Variants in RUNX2 observed in about 807,000 individuals in gnomAD.
RUNX2 encodes the protein RUNX family transcription factor 2.
Under a neutral mutation model 51.7 loss-of-function variants are expected in RUNX2, and 10 were observed. That is an observed-to-expected ratio of 0.19 (90% CI 0.12 to 0.33). RUNX2 has a LOEUF of 0.33. RUNX2 is among the 10% of genes least tolerant of loss of function. The pLI is 1.00. For synonymous variants in RUNX2, 276 were observed against 273.6 expected (o/e 1.01, Z -0.09); for missense variants, 562 against 691.3 (o/e 0.81, Z 2.10).
chr6:45,463,606 G>A (rs553654431), intron 5 of RUNX2, among the ~76,000 whole-genome samples: 5 of 152,124 alleles, frequency 3.3e-5, no homozygotes, highest in African/African-American at 9.6e-5. Flanking sequence ...TCTATACAGC[G>A]ATACTCAAAT....
chr6:45,439,258 A>G (rs531776535), intron 5 of RUNX2, among the ~76,000 whole-genome samples: 5 of 152,216 alleles, frequency 3.3e-5, no homozygotes, highest in South Asian at 2.1e-4. Flanking sequence ...GCATTCTTCC[A>G]GGTTCATAAT....
chr6:45,358,505 T>C (rs879750864), intron 2 of RUNX2, among the ~76,000 whole-genome samples: 12 of 152,206 alleles, frequency 7.9e-5, no homozygotes, highest in Non-Finnish European at 1.3e-4. Flanking sequence ...CCCCCTATAC[T>C]TGAATTACTT....
intron 5 of RUNX2, among the ~76,000 whole-genome samples, chr6:45,491,735 A>G (rs933913658): frequency 6.8e-6 from 1 of 147,122 alleles, no homozygotes; most frequent in African/African-American, 2.5e-5. Context: ...CTCTCCATTT[A>G]TAAAACAGAG....
chr6:45,348,600 G>A (rs554433355), intron 2 of RUNX2, among the ~76,000 whole-genome samples: 26 of 151,208 alleles, frequency 1.7e-4, no homozygotes, highest in Admixed American at 5.3e-4. Flanking sequence ...ACTTGAATCC[G>A]GGAGGTGGAG....
chr6:45,519,968 T>A (rs1273168198), intron 7 of RUNX2, among the ~76,000 whole-genome samples: 1 of 151,818 alleles, frequency 6.6e-6, no homozygotes, highest in East Asian at 1.9e-4. Context: ...CAGACTGGGA[T>A]TACAGGCACC....
chr6:45,469,035 T>G (rs1447352630), intron 5 of RUNX2, among the ~76,000 whole-genome samples: 1 of 152,258 alleles, frequency 6.6e-6, no homozygotes, highest in African/African-American at 2.4e-5. Flanking sequence ...CCTTTTGAAA[T>G]TTTATCTCTT....
At position 45,448,780 on chromosome 6, in the gene RUNX2, A is replaced by G. The variant is rs183552763; in HGVS notation, c.685+10729A>G. On this transcript the variant is annotated intron_variant, in intron 5 of 8. Transcript: ENST00000647337. ...AGCATGTATTTTGGTTGCGGGGGATACTCAGGATGATTAATCTGGGCCTTA... is the reference window on the plus strand; with the variant it reads ...AGCATGTATTTTGGTTGCGGGGGATGCTCAGGATGATTAATCTGGGCCTTA... 7.6e-4 allele frequency among the ~76,000 whole-genome samples: 116 copies of G among 152,272 alleles called. 1 individual carries two copies. Among genetic ancestry groups the G allele is most frequent in the African/African-American group, 2.7e-3 (113 of 41,552 alleles).
At chr6:45,470,309 C>T (rs764298050) in intron 5 of RUNX2, among the ~76,000 whole-genome samples, 10 of 152,146 alleles carry the variant, frequency 6.6e-5, no homozygotes, top group Non-Finnish European at 1.2e-4. Context: ...ACTTTCTTTC[C>T]ATCTCTTGCC....
chr6:45,535,620 A>C lies in RUNX2; in HGVS notation c.1022-9597A>C, dbSNP rs372522224. On this transcript the variant is annotated intron_variant, in intron 7 of 8. Transcript: ENST00000647337. ...CTCTGTCTCAAAAAAAAAAAAAGAA[A>C]GAAAAAGAAAGATACAAATGAAGAA... Among the ~76,000 whole-genome samples the C allele has an allele frequency of 7.9e-5, 12 of 151,704 alleles. No individual in the cohort carries two copies. In the East Asian group the frequency reaches 1.9e-3, roughly 24 times the overall value.
chr6:45,380,233 T>A (rs1284261793), intron 2 of RUNX2, among the ~76,000 whole-genome samples: 1 of 152,242 alleles, frequency 6.6e-6, no homozygotes, highest in African/African-American at 2.4e-5. Flanking sequence ...TTGCTGAAGT[T>A]AAGGCTTTGA....
At chr6:45,434,656 T>TA (rs1798632528) in intron 4 of RUNX2, among the ~76,000 whole-genome samples, 1 of 152,198 alleles carries the variant, frequency 6.6e-6, no homozygotes. Flanking sequence ...TCCTTTTTTT[T>TA]ATCCTTAATC....
chr6:45,482,693 T>C (rs1800149681), intron 5 of RUNX2, among the ~76,000 whole-genome samples: 1 of 152,174 alleles, frequency 6.6e-6, no homozygotes, highest in Non-Finnish European at 1.5e-5. Flanking sequence ...GCTTTTAACA[T>C]TTTTTCTATG....
chr6:45,371,820 G>A (rs889374688), intron 2 of RUNX2: 54 of 983,972 alleles, frequency 5.5e-5, no homozygotes, highest in Non-Finnish European at 6.4e-5. Flanking sequence ...GGGAACCAAA[G>A]ACATCTGAGC....
chr6:45,490,650 G>A (rs757575950), intron 5 of RUNX2, among the ~76,000 whole-genome samples: 29 of 152,244 alleles, frequency 1.9e-4, no homozygotes, highest in African/African-American at 5.8e-4. Flanking sequence ...AGGCGTTTGC[G>A]CTACCCATAG....
rs147253351 is a variant in RUNX2 at position 45,404,755 on chromosome 6, G to A, written c.59-17838G>A. Among the ~76,000 whole-genome samples the A allele has an allele frequency of 3.5e-4, 54 of 152,328 alleles. No homozygotes were observed. In the East Asian group the frequency reaches 9.4e-3, roughly 27 times the overall value. On this transcript the variant is annotated intron_variant, in intron 2 of 8. Transcript: ENST00000647337. Reference sequence around the variant, plus strand: ...TAGCCAGAGGAAGAGTCTCAACATTGCAGAATCAGAACATCCCATTTTTAA... The same window carrying A: ...TAGCCAGAGGAAGAGTCTCAACATTACAGAATCAGAACATCCCATTTTTAA...
chr6:45,511,392 A>G (rs1203913783), intron 6 of RUNX2, among the ~76,000 whole-genome samples: 2 of 152,248 alleles, frequency 1.3e-5, no homozygotes, highest in East Asian at 3.8e-4. Context: ...TCTTCTAAAC[A>G]GATTCCAGTA....
intron 2 of RUNX2, among the ~76,000 whole-genome samples, chr6:45,348,903 T>C (rs922748910): frequency 1.3e-5 from 2 of 152,292 alleles, no homozygotes; most frequent in South Asian, 2.1e-4. Flanking sequence ...CATAGTATCC[T>C]GTACATTTTC....
At chr6:45,464,253 G>T (rs1373669333) in intron 5 of RUNX2, among the ~76,000 whole-genome samples, 3 of 151,990 alleles carry the variant, frequency 2.0e-5, no homozygotes, top group Non-Finnish European at 2.9e-5. Flanking sequence ...ATCATTTATT[G>T]GTTCTCTGTG....
At chr6:45,443,141 G>A (rs1798890950) in intron 5 of RUNX2, among the ~76,000 whole-genome samples, 1 of 147,100 alleles carries the variant, frequency 6.8e-6, no homozygotes, top group African/African-American at 2.5e-5. Context: ...CAAACTCCTG[G>A]GCTCAAGTGA....
Sources: gnomAD v4.1 joint callset for allele counts (sites outside exome capture counted in the v4.1 genomes callset) on GRCh38, gnomAD v4.1.1 for gene constraint, MANE v1.5 for transcripts, NCBI Gene and HGNC (gene_info 2026-07-23, HGNC 2026-07-21) for gene names.